BPGM: variants seen among roughly 807,000 people sequenced by gnomAD.
BPGM encodes bisphosphoglycerate mutase.
In BPGM, 15 loss-of-function variants were observed where a neutral mutation model predicts 21.6. That is an observed-to-expected ratio of 0.70 (90% CI 0.47 to 1.07). BPGM has a LOEUF of 1.07. BPGM is among the 50% of genes least tolerant of loss of function. The pLI is 0.00. For synonymous variants in BPGM, 113 were observed against 116.2 expected, an observed-to-expected ratio of 0.97 and a Z score of 0.18; for missense variants, 273 against 319.0, an observed-to-expected ratio of 0.86 and a Z score of 1.10.
intron 1 of BPGM, among the ~76,000 whole-genome samples, chr7:134,654,739 T>A (rs1245963733): frequency 4.6e-5 from 7 of 152,156 alleles, no homozygotes; most frequent in African/African-American, 7.2e-5. Context: ...GTTTTTTTTC[T>A]TGATGGAAGT....
intron 2 of BPGM, among the ~76,000 whole-genome samples, chr7:134,670,674 G>T (rs80051968): frequency 0.038 from 5,748 of 152,006 alleles, 171 homozygotes; most frequent in East Asian, 0.12. Context: ...GCTCTTATTG[G>T]CCATAAAGGA....
intron 2 of BPGM, among the ~76,000 whole-genome samples, chr7:134,671,639 T>C (rs6970812): frequency 0.73 from 111,000 of 152,138 alleles, 42,065 homozygotes; most frequent in East Asian, 0.96. Context: ...GCTGGGATTA[T>C]GGGCATGAGC....
chr7:134,665,172 G>T (rs13235205), intron 2 of BPGM, among the ~76,000 whole-genome samples: 88,757 of 151,516 alleles, frequency 0.59, 27,049 homozygotes, highest in East Asian at 0.89. Flanking sequence ...AGAAAACAGT[G>T]GGGGGTGGCA....
intron 1 of BPGM, 144 bp downstream of exon 1, chr7:134,647,081 C>G (rs1276404510): frequency 3.9e-5 from 6 of 153,590 alleles, no homozygotes; most frequent in African/African-American, 1.2e-4. Flanking sequence ...CTCCAGCCCT[C>G]AAGCTGGGAC....
At chr7:134,648,439 T>C (rs1193197680) in intron 1 of BPGM, among the ~76,000 whole-genome samples, 1 of 151,832 alleles carries the variant, frequency 6.6e-6, no homozygotes, top group Non-Finnish European at 1.5e-5. Flanking sequence ...CCGGCCTTCT[T>C]TTTTTTTGAA....
chr7:134,662,136 A>T lies in BPGM; in HGVS notation c.601+28A>T, dbSNP rs752242999. ...ACCAGCTTTATATACCACTTATTAG[A>T]GGTTGCCAAGTGTGATATCTAGGCC... On this transcript the variant is annotated intron_variant, in intron 2 of 2. Transcript: ENST00000344924. 9 of 1,613,246 alleles carry T rather than the reference A, an allele frequency of 5.6e-6. No homozygotes were observed. The East Asian group carries it at 2.0e-4, about 36-fold the overall frequency.
chr7:134,652,618 C>G (rs916657619), intron 1 of BPGM, among the ~76,000 whole-genome samples: 1 of 152,160 alleles, frequency 6.6e-6, no homozygotes, highest in Non-Finnish European at 1.5e-5. Context: ...CTCACTTTAA[C>G]CCCCTCGCTC....
intron 2 of BPGM, among the ~76,000 whole-genome samples, chr7:134,672,773 C>G (rs1795925476): frequency 6.6e-6 from 1 of 152,012 alleles, no homozygotes; most frequent in Non-Finnish European, 1.5e-5. Flanking sequence ...ATTATTCTGG[C>G]CTTAGGAGCT....
intron 1 of BPGM, among the ~76,000 whole-genome samples, chr7:134,654,268 G>A (rs1027540036): frequency 5.3e-5 from 8 of 152,338 alleles, no homozygotes; most frequent in African/African-American, 1.4e-4. Flanking sequence ...AGGCTAGGGC[G>A]ACTGAGTATT....
Position 134,661,352 on chromosome 7 carries a change from C to T in BPGM, c.-61-95C>T. The T allele has an allele frequency of 2.9e-6, 3 of 1,039,262 alleles. No individual in the cohort carries two copies. Among genetic ancestry groups the T allele is most frequent in the Non-Finnish European group, 4.3e-6 (3 of 702,812 alleles). 64.4% of individuals were successfully genotyped at this position (1,039,262 alleles called of 1,614,324 possible). On this transcript the variant is annotated intron_variant, in intron 1 of 2. Transcript: ENST00000344924. This position sits in a 1 kb window ranked among gnomAD's most constrained non-coding sequence, Gnocchi z 4.6. ...CATTTCTGACTGTTCAAAGGGATTT[C>T]AGTTTCTTTTAGAAATTGGGTGTTG...
chr7:134,653,564 C>G (rs1223019375), intron 1 of BPGM, among the ~76,000 whole-genome samples: 1 of 152,074 alleles, frequency 6.6e-6, no homozygotes, highest in Admixed American at 6.6e-5. Flanking sequence ...TTTTTTGTGT[C>G]ACTATTTTTT....
intron 1 of BPGM, among the ~76,000 whole-genome samples, chr7:134,653,393 C>T (rs1585852302): frequency 6.6e-6 from 1 of 152,168 alleles, no homozygotes; most frequent in African/African-American, 2.4e-5. Flanking sequence ...TTCTGTGTTA[C>T]CAGAATTATT....
chr7:134,652,328 A>G (rs1795568919), intron 1 of BPGM, among the ~76,000 whole-genome samples: 1 of 152,192 alleles, frequency 6.6e-6, no homozygotes, highest in Non-Finnish European at 1.5e-5. Flanking sequence ...TAAAAAATTT[A>G]CATTTTTAAT....
chr7:134,677,056 G>A (rs192652169), intron 2 of BPGM, among the ~76,000 whole-genome samples: 27 of 152,334 alleles, frequency 1.8e-4, no homozygotes, highest in African/African-American at 6.5e-4. Context: ...AGGTTGCAGT[G>A]TGAGGGTGGG....
At chr7:134,657,713 T>C (rs1795662210) in intron 1 of BPGM, among the ~76,000 whole-genome samples, 1 of 152,066 alleles carries the variant, frequency 6.6e-6, no homozygotes, top group African/African-American at 2.4e-5. Context: ...CAATTGACAC[T>C]CAAAGCTGAG....
At chr7:134,668,911 G>A (rs926748007) in intron 2 of BPGM, among the ~76,000 whole-genome samples, 5 of 152,168 alleles carry the variant, frequency 3.3e-5, no homozygotes, top group Admixed American at 3.3e-4. Flanking sequence ...TGGGGTAAGA[G>A]TAGGCTGCTG....
intron 1 of BPGM, among the ~76,000 whole-genome samples, chr7:134,660,001 G>A (rs1175537382): frequency 1.3e-5 from 2 of 152,094 alleles, no homozygotes. Flanking sequence ...TTGTTTGCAC[G>A]ACAAAATCAC....
At position 134,661,147 on chromosome 7, in the gene BPGM, AATTGCCTTTGTATCTGGC is replaced by A. The variant is rs61330509; in HGVS notation, c.-61-298_-61-281del. 0.48 allele frequency among the ~76,000 whole-genome samples: 72,941 copies of A among 151,998 alleles called. 17,713 individuals carry two copies. The highest frequency in any genetic ancestry group is 0.69 in the East Asian group (3,571 of 5,164). On this transcript the variant is annotated intron_variant, in intron 1 of 2. Coordinates refer to ENST00000344924, the MANE Select transcript of BPGM (RefSeq NM_001724.5). The surrounding 1 kb of genome is among the most constrained non-coding windows in gnomAD (Gnocchi z 4.6). ...TTAAATCCTTTCTACTGTAAGCATA[AATTGCCTTTGTATCTGGC>A]AGAAACACAGCATGCCATTAGAATG... is the stretch of plus-strand genomic sequence containing the variant.
intron 2 of BPGM, among the ~76,000 whole-genome samples, chr7:134,663,523 A>G (rs1030807597): frequency 3.3e-5 from 5 of 152,218 alleles, no homozygotes; most frequent in Non-Finnish European, 7.3e-5. Context: ...TCATTAATGG[A>G]CCATAGTATT....
Sources: allele counts gnomAD v4.1 joint callset (sites outside exome capture counted in the v4.1 genomes callset), GRCh38; gene constraint gnomAD v4.1.1; non-coding constraint Gnocchi (gnomAD v3.1); transcripts MANE v1.5; gene names NCBI Gene and HGNC (gene_info 2026-07-23, HGNC 2026-07-21).